Variants in DAPK1 observed in about 807,000 individuals in gnomAD.
DAPK1 encodes the protein death-associated protein kinase 1.
A neutral mutation model predicts 144.9 loss-of-function variants in DAPK1; 56 were observed. That is an observed-to-expected ratio of 0.39 (90% confidence interval 0.31 to 0.48). DAPK1 has a LOEUF of 0.48. DAPK1 is among the 20% of genes least tolerant of loss of function. The pLI, the probability that DAPK1 is intolerant of heterozygous loss-of-function variation, is 0.95. For missense variants in DAPK1, 1,454 were observed against 1,875.4 expected (o/e 0.78, Z 4.15); for synonymous variants, 690 against 749.0 (o/e 0.92, Z 1.29).
Position 87,643,486 on chromosome 9 carries a change from C to T in DAPK1, c.1011+18C>T. ...ATACTCTGGTAAGCAAACCCGTGAG[C>T]CCTGGTGCTCCTTTCTTAGCACTGG... On this transcript the variant is annotated intron_variant, in intron 11 of 25. Coordinates refer to ENST00000408954, the MANE Select transcript of DAPK1 (RefSeq NM_004938.4). The T allele has an allele frequency of 1.4e-6, 2 of 1,431,480 alleles. No homozygotes were observed. The highest frequency in any genetic ancestry group is 1.2e-5 in the South Asian group (1 of 83,878). The allele number at this position is 1,431,480 out of a possible 1,614,324, so 88.7% of individuals were successfully genotyped here.
chr9:87,542,329 TC>T (rs949338802), intron 2 of DAPK1, among the ~76,000 whole-genome samples: 37 of 152,118 alleles, frequency 2.4e-4, no homozygotes, highest in Non-Finnish European at 7.4e-5. Flanking sequence ...CATCACAACA[TC>T]CCTAAGAGGC....
chr9:87,634,928 A>G (rs1829837751), intron 3 of DAPK1, among the ~76,000 whole-genome samples: 1 of 152,178 alleles, frequency 6.6e-6, no homozygotes, highest in Non-Finnish European at 1.5e-5. Context: ...CCACATGGGA[A>G]GAAAGACAGC....
At chr9:87,665,483 C>A (rs1249953713) in intron 18 of DAPK1, among the ~76,000 whole-genome samples, 1 of 152,178 alleles carries the variant, frequency 6.6e-6, no homozygotes, top group African/African-American at 2.4e-5. Context: ...AATGACTGTG[C>A]ACATTCTTTC....
At chr9:87,519,986 C>CTT (rs879328306) in intron 2 of DAPK1, among the ~76,000 whole-genome samples, 3 of 150,768 alleles carry the variant, frequency 2.0e-5, no homozygotes, top group South Asian at 2.1e-4. Flanking sequence ...AATGCTGTGA[C>CTT]TTTTTTTTGT....
intron 2 of DAPK1, among the ~76,000 whole-genome samples, chr9:87,565,867 A>G (rs1255572943): frequency 6.6e-6 from 1 of 152,008 alleles, no homozygotes; most frequent in South Asian, 2.1e-4. Context: ...ATCTCATTTC[A>G]TTCTTCCAAG....
intron 19 of DAPK1, among the ~76,000 whole-genome samples, chr9:87,676,319 C>T (rs995032215): frequency 2.6e-5 from 4 of 152,234 alleles, no homozygotes; most frequent in African/African-American, 9.6e-5. Flanking sequence ...CTAGACCTGG[C>T]CTGGAGCCCT....
At chr9:87,563,846 A>G (rs2118678295) in intron 2 of DAPK1, among the ~76,000 whole-genome samples, 1 of 152,294 alleles carries the variant, frequency 6.6e-6, no homozygotes, top group African/African-American at 2.4e-5. Context: ...GAGCATGTGA[A>G]TGATTGCCAT....
At chr9:87,672,605 TCC>T (rs1169744411) in intron 19 of DAPK1, among the ~76,000 whole-genome samples, 1 of 152,004 alleles carries the variant, frequency 6.6e-6, no homozygotes, top group African/African-American at 2.4e-5. Context: ...GTTCAAGGAG[TCC>T]CTGGAATTTG....
At chr9:87,683,533 G>A (rs1186470303) in intron 20 of DAPK1, among the ~76,000 whole-genome samples, 1 of 152,158 alleles carries the variant, frequency 6.6e-6, no homozygotes, top group Non-Finnish European at 1.5e-5. Flanking sequence ...GAGGTCATGA[G>A]CTCATGATCT....
At chr9:87,649,845 G>A in intron 15 of DAPK1, 76 bp from the exon 16 acceptor site, 10 of 1,472,934 alleles carry the variant, frequency 6.8e-6, no homozygotes, top group African/African-American at 1.4e-5. Flanking sequence ...AAATTTGACA[G>A]GGACTCTCAC....
intron 19 of DAPK1, 133 bp downstream of exon 19, chr9:87,668,807 C>T (rs1831152925): frequency 4.3e-6 from 3 of 698,706 alleles, no homozygotes. Flanking sequence ...GGTCCCTGTC[C>T]TGTGGTTTAC....
chr9:87,512,639 T>C (rs867837), intron 2 of DAPK1, among the ~76,000 whole-genome samples: 37,768 of 152,022 alleles, frequency 0.25, 5,285 homozygotes, highest in East Asian at 0.43. Flanking sequence ...GGCTGCTGTG[T>C]GAGAGGCTGC....
chr9:87,581,774 A>G (rs1164979510), intron 2 of DAPK1, among the ~76,000 whole-genome samples: 1 of 152,220 alleles, frequency 6.6e-6, no homozygotes, highest in Non-Finnish European at 1.5e-5. Flanking sequence ...ACTTTGCTAC[A>G]CAGGAAGATG....
intron 18 of DAPK1, among the ~76,000 whole-genome samples, chr9:87,659,560 G>A (rs556012817): frequency 1.3e-4 from 20 of 152,340 alleles, no homozygotes; most frequent in African/African-American, 4.3e-4. Flanking sequence ...CCCGCAGTGC[G>A]GGTTGGGGCT....
chr9:87,522,309 G>A (rs890484428), intron 2 of DAPK1, among the ~76,000 whole-genome samples: 1 of 152,170 alleles, frequency 6.6e-6, no homozygotes, highest in Non-Finnish European at 1.5e-5. Context: ...TTGCCCTCCA[G>A]TGACTAGTTC....
At chr9:87,700,034 T>G in intron 23 of DAPK1, 83 bp from the exon 24 acceptor site, 94 of 1,154,074 alleles carry the variant, frequency 8.1e-5, no homozygotes, top group Middle Eastern at 2.6e-4. Flanking sequence ...ACCAGCCTCT[T>G]GAGCCAGTAG....
intron 2 of DAPK1, among the ~76,000 whole-genome samples, chr9:87,520,766 T>C (rs896659532): frequency 2.6e-5 from 4 of 152,216 alleles, no homozygotes; most frequent in Non-Finnish European, 4.4e-5. Flanking sequence ...TGTGTATACA[T>C]ACATACCTGT....
intron 12 of DAPK1, 138 bp from the exon 13 acceptor site, chr9:87,646,323 G>A: frequency 1.5e-6 from 1 of 685,446 alleles, no homozygotes. Context: ...CCTTCCACCT[G>A]TCTTCTCTTC....
chr9:87,535,986 A>T (rs1825848850), intron 2 of DAPK1, among the ~76,000 whole-genome samples: 1 of 152,200 alleles, frequency 6.6e-6, no homozygotes, highest in African/African-American at 2.4e-5. Context: ...ACAAAATGAT[A>T]CTTGATTTTT....
Sources: allele counts gnomAD v4.1 joint callset (sites outside exome capture counted in the v4.1 genomes callset), GRCh38; gene constraint gnomAD v4.1.1; transcripts MANE v1.5; gene names NCBI Gene and HGNC (gene_info 2026-07-23, HGNC 2026-07-21).